The following MTF1 variants were observed in gnomAD, a reference collection of about 807,000 sequenced individuals.
MTF1 encodes metal regulatory transcription factor 1, also known as MRE-binding transcription factor.
MTF1 carries 22 observed loss-of-function variants against 70.4 expected under a neutral mutation model. That is an observed-to-expected ratio of 0.31 (90% confidence interval 0.22 to 0.45). MTF1 has a LOEUF of 0.45. Among genes scored for constraint, MTF1 ranks in the 20% least tolerant of loss-of-function variants. The probability of loss-of-function intolerance (pLI) is 1.00; values close to 1 mark genes in which losing one functional copy is unlikely to be tolerated. For synonymous variants in MTF1, 333 were observed against 352.8 expected (o/e 0.94, Z 0.63); for missense variants, 649 against 922.0 (o/e 0.70, Z 3.83).
intron 2 of MTF1, among the ~76,000 whole-genome samples, chr1:37,851,843 A>C (rs540293686): frequency 6.6e-6 from 1 of 151,042 alleles, no homozygotes; most frequent in South Asian, 2.1e-4. Context: ...TTCTTCCTCT[A>C]ACTACCAAAC....
At chr1:37,823,314 G>A (rs1053242862) in intron 8 of MTF1, among the ~76,000 whole-genome samples, 2 of 151,982 alleles carry the variant, frequency 1.3e-5, no homozygotes, top group Non-Finnish European at 2.9e-5. Flanking sequence ...GTGGTAGCAC[G>A]TGCCTGTGGT....
At chr1:37,830,010 G>A (rs28474689) in intron 7 of MTF1, among the ~76,000 whole-genome samples, 2 of 152,012 alleles carry the variant, frequency 1.3e-5, no homozygotes, top group Non-Finnish European at 2.9e-5. Flanking sequence ...TTATGCCAGG[G>A]TATTTTCCTG....
chr1:37,833,537 CA>C (rs1409804135), intron 6 of MTF1, among the ~76,000 whole-genome samples: 1 of 152,194 alleles, frequency 6.6e-6, no homozygotes, highest in African/African-American at 2.4e-5. Flanking sequence ...ACACACTCAA[CA>C]AACATTCATA....
Position 37,851,444 on chromosome 1 carries a change from C to T in MTF1, c.408+5807G>A, listed in dbSNP as rs79690166. Among the ~76,000 whole-genome samples the T allele has an allele frequency of 2.7e-3, 405 of 152,340 alleles. 1 individual carries two copies. Among genetic ancestry groups the T allele is most frequent in the Non-Finnish European group, 4.8e-3 (326 of 68,034 alleles). On this transcript the variant is annotated intron_variant, in intron 2 of 10. Coordinates refer to ENST00000373036, the MANE Select transcript of MTF1 (RefSeq NM_005955.3). ...TGAATAGTACAAAGTGGAAAAGTGA[C>T]AGCTTTTCACTGATTGCATAATCAT... is the stretch of plus-strand genomic sequence containing the variant.
At chr1:37,837,629 C>A (rs1323948137) in intron 4 of MTF1, among the ~76,000 whole-genome samples, 1 of 152,128 alleles carries the variant, frequency 6.6e-6, no homozygotes, top group African/African-American at 2.4e-5. Context: ...CCTCAGCCTC[C>A]AGAGTAGCTG....
At chr1:37,851,118 G>C (rs1029235139) in intron 2 of MTF1, among the ~76,000 whole-genome samples, 5 of 152,162 alleles carry the variant, frequency 3.3e-5, no homozygotes, top group African/African-American at 1.2e-4. Context: ...AGTGCTTCAG[G>C]AAGGCAAGCC....
intron 2 of MTF1, among the ~76,000 whole-genome samples, chr1:37,853,717 C>G (rs1641450852): frequency 1.3e-5 from 2 of 152,198 alleles, no homozygotes; most frequent in South Asian, 4.1e-4. Flanking sequence ...TCAAACGCCA[C>G]CTTTTTCACA....
chr1:37,856,241 G>A (rs576050806), intron 2 of MTF1, among the ~76,000 whole-genome samples: 3 of 120,310 alleles, frequency 2.5e-5, no homozygotes, highest in African/African-American at 9.4e-5. Context: ...GCAGTGGCAC[G>A]ATCTTGGCTC....
At chr1:37,842,586 A>C (rs1641271658) in intron 2 of MTF1, among the ~76,000 whole-genome samples, 1 of 152,176 alleles carries the variant, frequency 6.6e-6, no homozygotes, top group African/African-American at 2.4e-5. Context: ...TCTTTCCCTT[A>C]ACCTCTAAGT....
chr1:37,832,188 G>A (rs1641097113), intron 7 of MTF1, 57 bp downstream of exon 7: 4 of 1,138,460 alleles, frequency 3.5e-6, no homozygotes, highest in South Asian at 2.6e-5. Context: ...TCCCACCAAA[G>A]GGAGTGCTTA....
In MTF1 at chr1:37,839,940, C is replaced by T; in HGVS notation, c.627G>A (p.Lys209=). 6.2e-7 allele frequency: 1 copy of T among 1,614,164 alleles called. No individual in the cohort carries two copies. Residue 209 remains lysine (K), a synonymous_variant, in exon 3 of 11, where the codon AAG becomes AAA. Transcript: ENST00000373036. Reference sequence around the variant, plus strand: ...CTGACCTGTACAGTGTGTTGAATGCCTTCTCACAGCCCTGCACGTCACACT... The same window carrying T: ...CTGACCTGTACAGTGTGTTGAATGCTTTCTCACAGCCCTGCACGTCACACT... ...PFECDVQGCE[K]AFNTLYRLKA...
chr1:37,840,867 C>T lies in MTF1; in HGVS notation c.409-709G>A, dbSNP rs548082112. On this transcript the variant is annotated intron_variant, in intron 2 of 10. Coordinates refer to ENST00000373036, the MANE Select transcript of MTF1 (RefSeq NM_005955.3). The surrounding 1 kb of genome is among the most constrained non-coding windows in gnomAD (Gnocchi z 4.5). ...AGTGGAGGGCCTGGAATGGGAGGCC[C>T]AGCAGCTTCCTCAGAGACTTTGGCA... is the stretch of plus-strand genomic sequence containing the variant. The T allele has an allele frequency of 8.8e-5, 21 of 237,842 alleles. No homozygotes were observed. The highest frequency in any genetic ancestry group is 5.6e-4 in the Admixed American group (10 of 17,800). The allele number at this position is 237,842 out of a possible 1,614,324, so 14.7% of individuals were successfully genotyped here.
At chr1:37,831,999 A>T (rs865971221) in intron 7 of MTF1, among the ~76,000 whole-genome samples, 83 of 152,150 alleles carry the variant, frequency 5.5e-4, no homozygotes, top group African/African-American at 2.0e-3. Context: ...CTAAATGAGT[A>T]AAAAAAAGAA....
At chr1:37,818,383 G>C (rs1640852457) in intron 9 of MTF1, among the ~76,000 whole-genome samples, 1 of 152,170 alleles carries the variant, frequency 6.6e-6, no homozygotes, top group African/African-American at 2.4e-5. Context: ...TTCAAGGCCA[G>C]CCCAGCCTGG....
chr1:37,858,459 G>A (rs1641535565), intron 1 of MTF1: 1 of 152,170 alleles, frequency 6.6e-6, no homozygotes, highest in Admixed American at 6.5e-5. Flanking sequence ...AAATAGTAGA[G>A]GAACAAGTAT....
At chr1:37,845,065 C>T (rs1641313250) in intron 2 of MTF1, among the ~76,000 whole-genome samples, 1 of 152,222 alleles carries the variant, frequency 6.6e-6, no homozygotes, top group African/African-American at 2.4e-5. Flanking sequence ...GGACTGTAAG[C>T]TCCATGAGAG....
chr1:37,832,192 G>C, intron 7 of MTF1, 53 bp downstream of exon 7: 1 of 1,184,918 alleles, frequency 8.4e-7, no homozygotes, highest in South Asian at 1.3e-5. Context: ...ACCAAAGGGA[G>C]TGCTTAATTC....
rs780037222 is a variant in MTF1, at chr1:37,823,773, T to C, written c.1108A>G (p.Ile370Val). The part of the protein sequence containing the change: ...QDLSTISPAI[I>V]FESMFQNSDD... ...GAATTCTGGAACATTGATTCAAAGA[T>C]GATTGCTGGTGAAATTGTGCTGAGG... The change falls in exon 8 of 11, where the codon ATC becomes GTC. Residue 370 changes from isoleucine to valine, a missense_variant. Ile to Val is a conservative substitution (Grantham distance 29). Transcript: ENST00000373036. 1.2e-6 allele frequency: 2 copies of C among 1,613,996 alleles called. No homozygotes were observed. The highest frequency in any genetic ancestry group is 2.7e-5 in the African/African-American group (2 of 74,928).
At chr1:37,834,035 A>C (rs1641126804) in intron 6 of MTF1, among the ~76,000 whole-genome samples, 1 of 151,960 alleles carries the variant, frequency 6.6e-6, no homozygotes, top group South Asian at 2.1e-4. Context: ...AGACCGGCCC[A>C]GGCAACATGG....
Sources: allele counts gnomAD v4.1 joint callset (sites outside exome capture counted in the v4.1 genomes callset), GRCh38; gene constraint gnomAD v4.1.1; non-coding constraint Gnocchi (gnomAD v3.1); transcripts MANE v1.5; gene names NCBI Gene and HGNC (gene_info 2026-07-23, HGNC 2026-07-21).